The following PLCH1 variants were observed in gnomAD, a reference collection of about 807,000 sequenced individuals.
PLCH1 encodes the protein 1-phosphatidylinositol 4,5-bisphosphate phosphodiesterase eta-1.
PLCH1 carries 60 observed loss-of-function variants against 126.7 expected under a neutral mutation model. The ratio of observed to expected loss-of-function variants is 0.47; its 90% CI spans 0.38 to 0.59. The LOEUF (loss-of-function observed/expected upper bound fraction) is 0.59, where lower values mean the gene tolerates loss of function less well. Ranked by LOEUF, PLCH1 falls within the 20% of genes least tolerant of loss-of-function variation. PLCH1 has a pLI of 0.00. For missense variants in PLCH1, 1,723 were observed against 2,040.0 expected (o/e 0.84, Z 2.99); for synonymous variants, 719 against 734.9 (o/e 0.98, Z 0.35).
At chr3:155,457,139 C>A (rs773438851) in intron 21 of PLCH1, 2 of 152,438 alleles carry the variant, frequency 1.3e-5, no homozygotes, top group Non-Finnish European at 2.9e-5. Flanking sequence ...GAGCTTGACC[C>A]TCCATGCTTC....
chr3:155,523,271 A>C (rs112169647), intron 11 of PLCH1, among the ~76,000 whole-genome samples: 4,136 of 152,174 alleles, frequency 0.027, 69 homozygotes, highest in African/African-American at 0.044. Context: ...CCACCGCGCC[A>C]GGCCTAAATG....
chr3:155,470,381 GAATAAA>G (rs1260301029), intron 21 of PLCH1, among the ~76,000 whole-genome samples: 2 of 152,116 alleles, frequency 1.3e-5, no homozygotes, highest in African/African-American at 4.8e-5. Context: ...AGAGAAAAAA[GAATAAA>G]AAGAAACGAG....
chr3:155,630,255 AT>A (rs1737871732), intron 2 of PLCH1, among the ~76,000 whole-genome samples: 3 of 152,224 alleles, frequency 2.0e-5, no homozygotes, highest in Admixed American at 2.0e-4. Flanking sequence ...GCAGAGACTG[AT>A]TTGTGGTTAT....
At position 155,583,513 on chromosome 3, in the gene PLCH1, T is replaced by G; in HGVS notation, c.730A>C (p.Thr244Pro). 6 of 1,608,136 alleles carry G rather than the reference T, an allele frequency of 3.7e-6. No homozygotes were observed. Among genetic ancestry groups the G allele is most frequent in the Non-Finnish European group, 4.2e-6 (5 of 1,178,140 alleles). The change falls in exon 6 of 23, where the codon ACT becomes CCT. Residue 244 changes from threonine (T) to proline (P), a missense_variant. Thr to Pro is a conservative substitution (Grantham distance 38, BLOSUM62 -1). Transcript: ENST00000460012. ...AAAAACTGAGCCAGTTCTTCCACAG[T>G]TAGGTGATCTTTCTTGTCACTGTAG... ...LSYSDKKDHLTVEELAQFLKV... is the reference protein window; with the variant it reads ...LSYSDKKDHLPVEELAQFLKV...
Position 155,484,795 on chromosome 3 carries a change from G to A in PLCH1, c.2974+561C>T, listed in dbSNP as rs139730454. 5.2e-3 allele frequency among the ~76,000 whole-genome samples: 788 copies of A among 152,252 alleles called. 6 individuals are homozygous for A. Among genetic ancestry groups the A allele is most frequent in the Non-Finnish European group, 4.8e-3 (325 of 68,018 alleles). Reference sequence around the variant, plus strand: ...CCCTATGCTTGTGGAGCCCACAACCGTGCTGAAGCTGCAGGCACACCTCTA... The same window carrying A: ...CCCTATGCTTGTGGAGCCCACAACCATGCTGAAGCTGCAGGCACACCTCTA... On this transcript the variant is annotated intron_variant, in intron 22 of 22. Transcript: ENST00000460012.
At chr3:155,608,505 A>C (rs1221859558) in intron 2 of PLCH1, among the ~76,000 whole-genome samples, 1 of 152,046 alleles carries the variant, frequency 6.6e-6, no homozygotes, top group Admixed American at 6.6e-5. Context: ...ATGGGAGCTG[A>C]GTGAGGCCTG....
intron 1 of PLCH1, among the ~76,000 whole-genome samples, chr3:155,735,066 C>T (rs1001750081): frequency 6.6e-6 from 1 of 152,158 alleles, no homozygotes; most frequent in Non-Finnish European, 1.5e-5. Context: ...TCATTTGCAA[C>T]ATGGATGAAC....
At chr3:155,519,503 A>C (rs1462981849) in intron 11 of PLCH1, among the ~76,000 whole-genome samples, 1 of 152,110 alleles carries the variant, frequency 6.6e-6, no homozygotes, top group Non-Finnish European at 1.5e-5. Context: ...AACCACAACC[A>C]TCATTCCAGA....
chr3:155,482,410 C>G lies in PLCH1; in HGVS notation c.3616G>C (p.Val1206Leu). 2 of 1,614,136 alleles carry G rather than the reference C, an allele frequency of 1.2e-6. No homozygotes were observed. The highest frequency in any genetic ancestry group is 2.2e-5 in the South Asian group (2 of 91,078). ...DETNNQALTVVSHLHNTSVMS... is the reference protein window; with the variant it reads ...DETNNQALTVLSHLHNTSVMS... ...ACACTGGTATTATGAAGATGAGAAA[C>G]AACTGTGAGAGCCTGATTGTTGGTC... Residue 1206 changes from valine to leucine, a missense_variant, in exon 23 of 23, where the codon GTT (valine) becomes CTT (leucine). By Grantham distance (32) the Val-to-Leu change is conservative. Coordinates refer to ENST00000460012, the MANE Select transcript of PLCH1 (RefSeq NM_014996.4).
At chr3:155,652,980 A>G (rs1390699175) in intron 2 of PLCH1, among the ~76,000 whole-genome samples, 1 of 152,140 alleles carries the variant, frequency 6.6e-6, no homozygotes, top group Admixed American at 6.5e-5. Context: ...CTAATTATAC[A>G]ATGCCACTAA....
rs537366965 is a variant in PLCH1 at position 155,565,274 on chromosome 3, C to T, written c.866-156G>A. Among the ~76,000 whole-genome samples the T allele has an allele frequency of 1.2e-4, 18 of 152,182 alleles. No homozygotes were observed. In the East Asian group the frequency reaches 3.5e-3, roughly 29 times the overall value. Reference sequence around the variant, plus strand: ...GAAAACTGGAGCAATGAGAGATTTGCTTGAGGTCAATAGTATGGTTTAGAT... The same window carrying T: ...GAAAACTGGAGCAATGAGAGATTTGTTTGAGGTCAATAGTATGGTTTAGAT... On this transcript the variant is annotated intron_variant, in intron 7 of 22. Coordinates refer to ENST00000460012, the MANE Select transcript of PLCH1 (RefSeq NM_014996.4).
At chr3:155,635,436 C>T (rs543982277) in intron 2 of PLCH1, among the ~76,000 whole-genome samples, 2 of 152,332 alleles carry the variant, frequency 1.3e-5, no homozygotes, top group East Asian at 1.9e-4. Context: ...GATCCATAAC[C>T]TACAGCCTGC....
intron 1 of PLCH1, among the ~76,000 whole-genome samples, chr3:155,733,999 T>C (rs1263491845): frequency 7.2e-6 from 1 of 139,852 alleles, no homozygotes; most frequent in African/African-American, 2.6e-5. Context: ...TCACTAGTCA[T>C]CAGGAAAGTG....
At chr3:155,527,062 C>T (rs1722049677) in intron 10 of PLCH1, among the ~76,000 whole-genome samples, 2 of 152,136 alleles carry the variant, frequency 1.3e-5, no homozygotes, top group Non-Finnish European at 2.9e-5. Flanking sequence ...CAACTTGGTC[C>T]CACTTTCCTA....
At chr3:155,652,333 C>T (rs575627696) in intron 2 of PLCH1, among the ~76,000 whole-genome samples, 1 of 152,286 alleles carries the variant, frequency 6.6e-6, no homozygotes, top group Non-Finnish European at 1.5e-5. Context: ...ACGAAGAAGC[C>T]AGCATCACAT....
At chr3:155,734,020 T>A (rs1225037180) in intron 1 of PLCH1, among the ~76,000 whole-genome samples, 1 of 141,168 alleles carries the variant, frequency 7.1e-6, no homozygotes, top group Non-Finnish European at 1.5e-5. Context: ...CAAATTAAAA[T>A]CACAATGAGA....
At chr3:155,649,321 C>G (rs747313102) in intron 2 of PLCH1, among the ~76,000 whole-genome samples, 1 of 152,138 alleles carries the variant, frequency 6.6e-6, no homozygotes, top group African/African-American at 2.4e-5. Context: ...CCTCCACTAC[C>G]CTATATAATT....
intron 1 of PLCH1, among the ~76,000 whole-genome samples, chr3:155,733,984 C>T (rs1748970045): frequency 7.5e-6 from 1 of 132,632 alleles, no homozygotes; most frequent in South Asian, 2.4e-4. Flanking sequence ...TATATGCACT[C>T]AACATCACTA....
intron 21 of PLCH1, among the ~76,000 whole-genome samples, chr3:155,452,437 G>T (rs1712333057): frequency 6.6e-6 from 1 of 152,038 alleles, no homozygotes; most frequent in African/African-American, 2.4e-5. Context: ...GGAGAACCCT[G>T]GTTAACATAG....
Sources: allele counts gnomAD v4.1 joint callset (sites outside exome capture counted in the v4.1 genomes callset), GRCh38; gene constraint gnomAD v4.1.1; transcripts MANE v1.5; gene names NCBI Gene and HGNC (gene_info 2026-07-23, HGNC 2026-07-21).